The following GALNTL6 variants were observed in gnomAD, a reference collection of about 807,000 sequenced individuals.
GALNTL6 encodes the protein polypeptide N-acetylgalactosaminyltransferase-like 6.
A neutral mutation model predicts 73.7 loss-of-function variants in GALNTL6; 46 were observed. The ratio of observed to expected loss-of-function variants is 0.62; its 90% CI spans 0.49 to 0.80. The LOEUF (loss-of-function observed/expected upper bound fraction) is 0.80, where lower values mean the gene tolerates loss of function less well. Ranked by LOEUF, GALNTL6 falls within the 30% of genes least tolerant of loss-of-function variation. GALNTL6 has a pLI of 0.00. For synonymous variants in GALNTL6, 259 were observed against 263.7 expected, an observed-to-expected ratio of 0.98 and a Z score of 0.17; for missense variants, 604 against 755.0, an observed-to-expected ratio of 0.80 and a Z score of 2.34.
chr4:172,614,997 C>T (rs1357135229), intron 5 of GALNTL6, among the ~76,000 whole-genome samples: 1 of 152,096 alleles, frequency 6.6e-6, no homozygotes, highest in Non-Finnish European at 1.5e-5. Flanking sequence ...ATTCCTTAGG[C>T]ATGTTCTAAT....
chr4:173,009,858 T>C (rs1341676564), intron 11 of GALNTL6, among the ~76,000 whole-genome samples: 2 of 152,196 alleles, frequency 1.3e-5, no homozygotes, highest in East Asian at 3.8e-4. Context: ...TTTTGTTTTG[T>C]TTGCTTTTTT....
chr4:172,990,005 G>C (rs1038571698), intron 10 of GALNTL6, among the ~76,000 whole-genome samples: 8 of 152,154 alleles, frequency 5.3e-5, no homozygotes, highest in African/African-American at 1.9e-4. Flanking sequence ...CTTGAGCCTG[G>C]GCCCGTCAAA....
At chr4:172,283,788 T>G (rs1739151051) in intron 3 of GALNTL6, among the ~76,000 whole-genome samples, 1 of 152,170 alleles carries the variant, frequency 6.6e-6, no homozygotes, top group Non-Finnish European at 1.5e-5. Flanking sequence ...ACTTCCAAGT[T>G]AATTATCACA....
At chr4:172,493,155 T>C (rs187267172) in intron 5 of GALNTL6, among the ~76,000 whole-genome samples, 1 of 152,358 alleles carries the variant, frequency 6.6e-6, no homozygotes, top group African/African-American at 2.4e-5. Context: ...TTATTATCTT[T>C]CCTTGGCTTA....
intron 5 of GALNTL6, among the ~76,000 whole-genome samples, chr4:172,612,502 C>T (rs1019966133): frequency 3.3e-5 from 5 of 151,978 alleles, no homozygotes; most frequent in African/African-American, 1.2e-4. Flanking sequence ...CAGATGTTTC[C>T]TCACAAACCT....
chr4:172,783,512 AT>A (rs1466151221), intron 5 of GALNTL6, among the ~76,000 whole-genome samples: 4 of 148,294 alleles, frequency 2.7e-5, no homozygotes, highest in Admixed American at 6.8e-5. Flanking sequence ...AATATACACT[AT>A]TTAATATAAT....
chr4:172,293,637 A>G (rs1043975062), intron 3 of GALNTL6, among the ~76,000 whole-genome samples: 3 of 151,930 alleles, frequency 2.0e-5, no homozygotes, highest in African/African-American at 7.2e-5. Flanking sequence ...CATATTGCCT[A>G]TGTGGGGAAG....
At chr4:172,574,992 A>G (rs1435085707) in intron 5 of GALNTL6, among the ~76,000 whole-genome samples, 1 of 151,836 alleles carries the variant, frequency 6.6e-6, no homozygotes, top group Admixed American at 6.6e-5. Context: ...GTGCTCTCCA[A>G]TTAGCGGTAC....
At chr4:172,120,827 A>G (rs572944804) in intron 2 of GALNTL6, among the ~76,000 whole-genome samples, 3 of 151,970 alleles carry the variant, frequency 2.0e-5, no homozygotes, top group African/African-American at 7.2e-5. Context: ...ACCTGAACCA[A>G]TAGCAGAAGG....
intron 2 of GALNTL6, among the ~76,000 whole-genome samples, chr4:171,857,704 C>T (rs1183929338): frequency 1.3e-5 from 2 of 152,204 alleles, no homozygotes; most frequent in African/African-American, 4.8e-5. Context: ...ATTGGTAAGC[C>T]TGTTCTTTTG....
At chr4:172,653,055 A>G (rs1740549537) in intron 5 of GALNTL6, among the ~76,000 whole-genome samples, 1 of 151,864 alleles carries the variant, frequency 6.6e-6, no homozygotes, top group Admixed American at 6.6e-5. Context: ...CTGCTCATCA[A>G]AGATCAAAAT....
At chr4:172,194,636 AAC>A (rs1345347872) in intron 2 of GALNTL6, among the ~76,000 whole-genome samples, 1 of 152,242 alleles carries the variant, frequency 6.6e-6, no homozygotes, top group Non-Finnish European at 1.5e-5. Context: ...TTGGGGAACT[AAC>A]ATTCAACATT....
chr4:172,809,912 T>TACAC lies in GALNTL6; in HGVS notation c.739+402_739+405dup, dbSNP rs5864170. Among the ~76,000 whole-genome samples, 4,414 of 141,194 alleles carry TACAC rather than the reference T, an allele frequency of 0.031. 76 individuals carry two copies. The highest frequency in any genetic ancestry group is 0.037 in the African/African-American group (1,438 of 38,450). 92.6% of individuals were successfully genotyped at this position (141,194 alleles called of 152,430 possible). Reference sequence around the variant, plus strand: ...TCCTGTAGCTACAGCAAGATTAAAATACACACACACACACACACACACACA... The same window carrying TACAC: ...TCCTGTAGCTACAGCAAGATTAAAATACACACACACACACACACACACACACACA... On this transcript the variant is annotated intron_variant, in intron 6 of 12. Coordinates refer to ENST00000506823, the MANE Select transcript of GALNTL6 (RefSeq NM_001034845.3). The surrounding 1 kb of genome is among the most constrained non-coding windows in gnomAD (Gnocchi z 4.4).
At chr4:172,272,868 T>C (rs1738702238) in intron 3 of GALNTL6, among the ~76,000 whole-genome samples, 1 of 152,114 alleles carries the variant, frequency 6.6e-6, no homozygotes, top group South Asian at 2.1e-4. Context: ...TATATTCTTC[T>C]ATAATGTAAG....
chr4:172,207,065 C>G (rs1350830423), intron 2 of GALNTL6, among the ~76,000 whole-genome samples: 1 of 151,792 alleles, frequency 6.6e-6, no homozygotes, highest in Admixed American at 6.6e-5. Flanking sequence ...GATCCGCCCC[C>G]CTTGGCCTCC....
intron 2 of GALNTL6, among the ~76,000 whole-genome samples, chr4:171,826,527 G>T (rs74418255): frequency 6.6e-6 from 1 of 152,032 alleles, no homozygotes; most frequent in African/African-American, 2.4e-5. Context: ...CCTATTGGAG[G>T]GGGTAGGGGA....
At chr4:172,687,792 G>A (rs1033787972) in intron 5 of GALNTL6, among the ~76,000 whole-genome samples, 4 of 152,058 alleles carry the variant, frequency 2.6e-5, no homozygotes, top group African/African-American at 9.7e-5. Context: ...TCTCCTTTGG[G>A]CTGGGGAAAA....
At chr4:172,880,353 T>G (rs139832532) in intron 7 of GALNTL6, among the ~76,000 whole-genome samples, 20 of 152,206 alleles carry the variant, frequency 1.3e-4, no homozygotes, top group African/African-American at 4.6e-4. Flanking sequence ...ATACACGCTA[T>G]AGCATGGATG....
intron 2 of GALNTL6, among the ~76,000 whole-genome samples, chr4:172,087,473 AAAAC>A (rs1241866607): frequency 0.013 from 1,958 of 150,530 alleles, 53 homozygotes; most frequent in African/African-American, 0.045. Flanking sequence ...AAAAACAAAA[AAAAC>A]AAAATAGAGC....
Sources: allele counts gnomAD v4.1 joint callset (sites outside exome capture counted in the v4.1 genomes callset), GRCh38; gene constraint gnomAD v4.1.1; non-coding constraint Gnocchi (gnomAD v3.1); transcripts MANE v1.5; gene names NCBI Gene and HGNC (gene_info 2026-07-23, HGNC 2026-07-21).